PIK3R3: variants seen among roughly 807,000 people sequenced by gnomAD.
PIK3R3 encodes phosphatidylinositol 3-kinase regulatory subunit gamma.
PIK3R3 carries 64 observed loss-of-function variants against 62.9 expected under a neutral mutation model. The observed-to-expected ratio is 1.02, with a 90% CI of 0.83 to 1.25. The LOEUF (loss-of-function observed/expected upper bound fraction) is 1.25. Among genes scored for constraint, PIK3R3 ranks in the 50% most tolerant of loss-of-function variants. The probability of loss-of-function intolerance (pLI) is 0.00; values close to 1 mark genes in which losing one functional copy is unlikely to be tolerated. For synonymous variants in PIK3R3, 165 were observed against 189.0 expected, an observed-to-expected ratio of 0.87 and a Z score of 1.04; for missense variants, 614 against 561.6, an observed-to-expected ratio of 1.09 and a Z score of -0.94.
At chr1:46,161,570 T>C in the PIK3R3 span, among the ~76,000 whole-genome samples, 11 of 152,176 alleles carry the variant, frequency 7.2e-5, no homozygotes, top group Admixed American at 3.9e-4. Context: ...CCAGAAAAAA[T>C]TGTAAGAAAA....
intron 7 of PIK3R3, chr1:46,047,119 T>C (rs752278930): frequency 2.6e-4 from 40 of 154,028 alleles, no homozygotes; most frequent in Non-Finnish European, 2.0e-4. Context: ...GTAATTAATA[T>C]GAGTGAACTT....
At chr1:46,069,126 T>C (rs1164835859) in intron 3 of PIK3R3, among the ~76,000 whole-genome samples, 1 of 152,110 alleles carries the variant, frequency 6.6e-6, no homozygotes, top group Non-Finnish European at 1.5e-5. Context: ...TGGATACAAA[T>C]ATGACAGAGA....
Position 46,081,471 on chromosome 1 carries a change from A to T in PIK3R3, c.107-721T>A, listed in dbSNP as rs1650585294. Among the ~76,000 whole-genome samples, 5 of 152,202 alleles carry T rather than the reference A, an allele frequency of 3.3e-5. No individual in the cohort carries two copies. The South Asian group carries it at 1.0e-3, about 31-fold the overall frequency. ...CTGAGCTTCGGCATTAGATTCTCATAGAAGCACAAACCCTACTGTGAACTG... is the reference window on the plus strand; with the variant it reads ...CTGAGCTTCGGCATTAGATTCTCATTGAAGCACAAACCCTACTGTGAACTG... On this transcript the variant is annotated intron_variant, in intron 1 of 9. Coordinates refer to ENST00000262741, the MANE Select transcript of PIK3R3 (RefSeq NM_003629.4).
At chr1:46,104,320 C>A (rs989702746) in intron 1 of PIK3R3, among the ~76,000 whole-genome samples, 11 of 152,166 alleles carry the variant, frequency 7.2e-5, no homozygotes, top group African/African-American at 1.4e-4. Context: ...AATTAAATTT[C>A]TTTTATGGTG....
chr1:46,063,151 G>A (rs1366192629), intron 5 of PIK3R3, among the ~76,000 whole-genome samples: 2 of 152,172 alleles, frequency 1.3e-5, no homozygotes, highest in Non-Finnish European at 1.5e-5. Context: ...GTTATTTATT[G>A]CTTTACAGAG....
In PIK3R3 at chr1:46,121,314, A is replaced by G. The variant is rs555368558; in HGVS notation, c.106+10533T>C. Among the ~76,000 whole-genome samples, 27 of 152,364 alleles carry G rather than the reference A, an allele frequency of 1.8e-4. No individual in the cohort carries two copies. The South Asian group carries it at 5.2e-3, about 29-fold the overall frequency. ...AGAAGTTCAACATAAATTAGACCAT[A>G]TTGAGTGACCCTGTTGTAAAAAGGT... is the stretch of plus-strand genomic sequence containing the variant. On this transcript the variant is annotated intron_variant, in intron 1 of 9. Transcript: ENST00000262741.
rs1179172400 is a variant in PIK3R3 at position 46,074,286 on chromosome 1, C to CAAAAA, written c.314+3224_314+3228dup. ...CCTGGGCGACAGAGCTAGACTCCGT[C>CAAAAA]AAAAAAAAAAAAAAAAAAAAAAAAA... On this transcript the variant is annotated intron_variant, in intron 3 of 9. Transcript: ENST00000262741. Among the ~76,000 whole-genome samples, 28 of 20,824 alleles carry CAAAAA rather than the reference C, an allele frequency of 1.3e-3. 2 individuals carry two copies. The highest frequency in any genetic ancestry group is 1.8e-3 in the Non-Finnish European group (21 of 11,524). The allele number at this position is 20,824 out of a possible 152,430, so 13.7% of individuals were successfully genotyped here.
chr1:46,091,673 A>G (rs1401829182), intron 1 of PIK3R3, among the ~76,000 whole-genome samples: 1 of 152,216 alleles, frequency 6.6e-6, no homozygotes. Flanking sequence ...CTTTAGTGCA[A>G]CGAGCAAATT....
intron 1 of PIK3R3, among the ~76,000 whole-genome samples, chr1:46,101,428 C>T (rs1355107724): frequency 2.0e-5 from 3 of 152,062 alleles, no homozygotes; most frequent in African/African-American, 7.2e-5. Context: ...ATCGCTTGAA[C>T]CTGGAGGCGG....
the PIK3R3 span, among the ~76,000 whole-genome samples, chr1:46,156,609 G>GTTATCAGATCAAT: frequency 6.6e-5 from 10 of 152,158 alleles, no homozygotes; most frequent in African/African-American, 2.4e-4. Flanking sequence ...AACAGAGCCT[G>GTTATCAGATCAAT]ACCGGGTCTC....
At chr1:46,075,534 A>C (rs1007209610) in intron 3 of PIK3R3, among the ~76,000 whole-genome samples, 2 of 152,114 alleles carry the variant, frequency 1.3e-5, no homozygotes, top group Non-Finnish European at 2.9e-5. Context: ...AGGTAGGAGG[A>C]TCACTTAGGC....
intron 7 of PIK3R3, among the ~76,000 whole-genome samples, chr1:46,047,622 T>C (rs1304487136): frequency 6.6e-6 from 1 of 152,154 alleles, no homozygotes; most frequent in African/African-American, 2.4e-5. Context: ...AAGGCTCCTA[T>C]CATTCAGGTT....
chr1:46,131,744 C>T, intron 1 of PIK3R3, 103 bp downstream of exon 1: 1 of 1,099,276 alleles, frequency 9.1e-7, no homozygotes, highest in Non-Finnish European at 1.4e-6. Flanking sequence ...TCATCCCGAA[C>T]CTAGCGCACC....
At chr1:46,090,028 A>G (rs1395829066) in intron 1 of PIK3R3, among the ~76,000 whole-genome samples, 1 of 152,220 alleles carries the variant, frequency 6.6e-6, no homozygotes, top group African/African-American at 2.4e-5. Flanking sequence ...CCTAGGGGCT[A>G]GAAAGTGGCA....
the PIK3R3 span, among the ~76,000 whole-genome samples, chr1:46,162,537 A>T: frequency 3.3e-5 from 5 of 152,190 alleles, no homozygotes; most frequent in East Asian, 5.8e-4. Flanking sequence ...TAATATTAAT[A>T]ATGTAAAAGA....
the PIK3R3 span, among the ~76,000 whole-genome samples, chr1:46,172,865 T>C: frequency 0.43 from 64,609 of 151,806 alleles, 14,022 homozygotes; most frequent in South Asian, 0.5. Flanking sequence ...TGGTGGCACA[T>C]GCCTGTAGTC....
chr1:46,116,038 TGAA>T (rs1654157911), intron 1 of PIK3R3, among the ~76,000 whole-genome samples: 1 of 152,206 alleles, frequency 6.6e-6, no homozygotes, highest in South Asian at 2.1e-4. Flanking sequence ...ATGCCAAACA[TGAA>T]GAAATAGGAT....
chr1:46,104,935 A>AC, intron 1 of PIK3R3: 2 of 518,544 alleles, frequency 3.9e-6, no homozygotes, highest in Non-Finnish European at 6.9e-6. Flanking sequence ...CAAAAAAAAA[A>AC]AAAAAAAAAA....
Position 46,043,370 on chromosome 1 carries a change from A to C in PIK3R3, c.*303T>G. The C allele has an allele frequency of 2.4e-6, 1 of 418,292 alleles. No homozygotes were observed. Among genetic ancestry groups the C allele is most frequent in the Non-Finnish European group, 4.5e-6 (1 of 224,610 alleles). 25.9% of individuals were successfully genotyped at this position (418,292 alleles called of 1,614,324 possible). On this transcript the variant is annotated 3_prime_UTR_variant, in exon 10 of 10. Transcript: ENST00000262741. Reference sequence around the variant, plus strand: ...ACAACCCCACCCGCTATAACCATCAAGCCTAATATTCTGTTGAGGGTGTCT... The same window carrying C: ...ACAACCCCACCCGCTATAACCATCACGCCTAATATTCTGTTGAGGGTGTCT...
Sources: allele counts gnomAD v4.1 joint callset (sites outside exome capture counted in the v4.1 genomes callset), GRCh38; gene constraint gnomAD v4.1.1; transcripts MANE v1.5; gene names NCBI Gene and HGNC (gene_info 2026-07-23, HGNC 2026-07-21).